The following SMAD3 variants were observed in gnomAD, a reference collection of about 807,000 sequenced individuals.
SMAD3 encodes the protein MAD homolog 3.
Under a neutral mutation model 51.8 loss-of-function variants are expected in SMAD3, and 12 were observed. That is an observed-to-expected ratio of 0.23 (90% confidence interval 0.15 to 0.38). The LOEUF is 0.38. Among genes scored for constraint, SMAD3 ranks in the 10% least tolerant of loss-of-function variants. SMAD3 has a pLI of 1.00. For missense variants in SMAD3, 294 were observed against 565.6 expected, an observed-to-expected ratio of 0.52 and a Z score of 4.87; for synonymous variants, 238 against 227.7, an observed-to-expected ratio of 1.05 and a Z score of -0.41.
Position 67,100,522 on chromosome 15 carries a change from A to G in SMAD3, c.206+34162A>G, listed in dbSNP as rs1960729153. ...GGCTAACATGGTAGATTTTTGCTGC[A>G]TGTATTAATATATTAATGTATTAAT... On this transcript the variant is annotated intron_variant, in intron 1 of 8. Coordinates refer to ENST00000327367, the MANE Select transcript of SMAD3 (RefSeq NM_005902.4). Among the ~76,000 whole-genome samples, 3 of 152,128 alleles carry G rather than the reference A, an allele frequency of 2.0e-5. No homozygotes were observed. In the South Asian group the frequency reaches 6.2e-4, roughly 31 times the overall value.
intron 1 of SMAD3, among the ~76,000 whole-genome samples, chr15:67,112,154 C>T (rs1469524995): frequency 2.0e-4 from 18 of 90,416 alleles, no homozygotes; most frequent in Admixed American, 6.2e-4. Context: ...TTTTTCTTTC[C>T]TTTTTTTTTT....
chr15:67,150,625 G>C (rs1962105945), intron 1 of SMAD3, among the ~76,000 whole-genome samples: 1 of 152,114 alleles, frequency 6.6e-6, no homozygotes, highest in Admixed American at 6.5e-5. Flanking sequence ...GGCAGAGAGA[G>C]GATACCCAGA....
Position 67,190,658 on chromosome 15 carries a change from G to A in SMAD3, c.*122G>A. 1 of 1,052,082 alleles carries A rather than the reference G, an allele frequency of 9.5e-7. No individual in the cohort carries two copies. The highest frequency in any genetic ancestry group is 1.4e-6 in the Non-Finnish European group (1 of 703,812). 65.2% of individuals were successfully genotyped at this position (1,052,082 alleles called of 1,614,324 possible). On this transcript the variant is annotated 3_prime_UTR_variant, in exon 9 of 9. Coordinates refer to ENST00000327367, the MANE Select transcript of SMAD3 (RefSeq NM_005902.4). The stretch of plus-strand genomic sequence containing the variant: ...AAGAAGAAATCTTTCTCCCTCAACT[G>A]AAGGGGTGCACCCACCTGTTTTCTG...
intron 1 of SMAD3, among the ~76,000 whole-genome samples, chr15:67,149,462 T>TTTGTA (rs1353652022): frequency 6.6e-6 from 1 of 152,198 alleles, no homozygotes; most frequent in Non-Finnish European, 1.5e-5. Flanking sequence ...GTTTTAGGGA[T>TTTGTA]GCAGCTTTCA....
At chr15:67,083,253 C>T (rs958757499) in intron 1 of SMAD3, among the ~76,000 whole-genome samples, 12 of 152,252 alleles carry the variant, frequency 7.9e-5, no homozygotes, top group African/African-American at 2.7e-4. Context: ...GAGGCCCTGA[C>T]GGCCATGCCA....
rs1300419834 is a variant in SMAD3 at position 67,164,523 on chromosome 15, C to A, written c.207-372C>A. 2.0e-5 allele frequency among the ~76,000 whole-genome samples: 3 copies of A among 152,318 alleles called. No individual in the cohort carries two copies. In the East Asian group the frequency reaches 5.8e-4, roughly 29 times the overall value. ...TCCCCAGCCCTGTCCCCTCTCCACA[C>A]CTCTGGGCTGAGTAGGAAGCCGATG... is the stretch of plus-strand genomic sequence containing the variant. On this transcript the variant is annotated intron_variant, in intron 1 of 8. Transcript: ENST00000327367.
intron 1 of SMAD3, among the ~76,000 whole-genome samples, chr15:67,119,612 C>G (rs1415120565): frequency 6.6e-6 from 1 of 152,110 alleles, no homozygotes; most frequent in Non-Finnish European, 1.5e-5. Flanking sequence ...TTGCCAAAGA[C>G]ATTCATAAAA....
chr15:67,187,238 C>T, intron 7 of SMAD3, 127 bp from the exon 8 acceptor site: 1 of 1,129,782 alleles, frequency 8.9e-7, no homozygotes, highest in Non-Finnish European at 1.3e-6. Context: ...ATGCATCACA[C>T]ACCATGTGTC....
chr15:67,185,832 A>G (rs1320413109), intron 7 of SMAD3, among the ~76,000 whole-genome samples: 2 of 152,238 alleles, frequency 1.3e-5, no homozygotes, highest in Non-Finnish European at 2.9e-5. Flanking sequence ...CCCACAGAAC[A>G]TGGCCTGTGA....
chr15:67,176,629 T>C (rs552083936), intron 5 of SMAD3, among the ~76,000 whole-genome samples: 20 of 152,366 alleles, frequency 1.3e-4, no homozygotes, highest in Non-Finnish European at 2.4e-4. Context: ...GGTTTTATTC[T>C]GTTTTCTTTT....
intron 3 of SMAD3, 97 bp downstream of exon 3, chr15:67,165,481 C>A (rs978397303): frequency 7.1e-7 from 1 of 1,401,196 alleles, no homozygotes; most frequent in Non-Finnish European, 9.9e-7. Context: ...CCTGGCCGTC[C>A]CCCGCTCACC....
chr15:67,125,523 G>C (rs549648869), intron 1 of SMAD3, among the ~76,000 whole-genome samples: 1 of 152,362 alleles, frequency 6.6e-6, no homozygotes, highest in East Asian at 1.9e-4. Context: ...GGATGAAGCC[G>C]GTGGGAACAG....
In SMAD3 at chr15:67,065,974, C is replaced by T; in HGVS notation, c.-181C>T. ...CCGCTCCGGGCGCAGGGCCGCGCGC[C>T]GAGCCCCGCAGGCTGCAGCGCCGCG... is the stretch of plus-strand genomic sequence containing the variant. On this transcript the variant is annotated 5_prime_UTR_variant, in exon 1 of 9. Transcript: ENST00000327367. The T allele has an allele frequency of 9.1e-6, 2 of 219,288 alleles. No individual in the cohort carries two copies. Among genetic ancestry groups the T allele is most frequent in the Non-Finnish European group, 1.8e-5 (2 of 112,520 alleles). The allele number at this position is 219,288 out of a possible 1,614,324, so 13.6% of individuals were successfully genotyped here. A position where few individuals can be genotyped will look rare whatever the true frequency, so the allele number is the denominator to read the frequency against.
At chr15:67,069,575 C>T (rs1425761527) in intron 1 of SMAD3, among the ~76,000 whole-genome samples, 3 of 152,136 alleles carry the variant, frequency 2.0e-5, no homozygotes, top group African/African-American at 7.2e-5. Flanking sequence ...GGGAGCTAGA[C>T]CAAGCTTAAA....
rs567570265 is a variant in SMAD3, at chr15:67,133,044, C to G, written c.207-31851C>G. ...GTTTTGCACTTCCTTGCTTGTCACTCCTCTTTAAACACTTGTCCAAACTGT... is the reference window on the plus strand; with the variant it reads ...GTTTTGCACTTCCTTGCTTGTCACTGCTCTTTAAACACTTGTCCAAACTGT... On this transcript the variant is annotated intron_variant, in intron 1 of 8. Coordinates refer to ENST00000327367, the MANE Select transcript of SMAD3 (RefSeq NM_005902.4). Among the ~76,000 whole-genome samples the G allele has an allele frequency of 1.2e-4, 19 of 152,306 alleles. No homozygotes were observed. In the South Asian group the frequency reaches 3.3e-3, roughly 27 times the overall value.
intron 5 of SMAD3, among the ~76,000 whole-genome samples, chr15:67,171,666 A>G (rs1052567171): frequency 3.9e-5 from 6 of 152,212 alleles, no homozygotes; most frequent in African/African-American, 1.2e-4. Context: ...GAAGAAACTC[A>G]TCATTTGGAA....
chr15:67,179,876 G>T (rs1278361974), intron 5 of SMAD3, among the ~76,000 whole-genome samples: 1 of 152,082 alleles, frequency 6.6e-6, no homozygotes. Context: ...CATGCTGAGG[G>T]TTAAAGCGAG....
At position 67,166,227 on chromosome 15, in the gene SMAD3, C is replaced by G. The variant is rs1962584609; in HGVS notation, c.533-552C>G. On this transcript the variant is annotated intron_variant, in intron 3 of 8. Transcript: ENST00000327367. ...ACTACTCCCTGTTCAAAGAGCAAAT[C>G]TTGGAGGGCTTCAGTCAGGGTCTGG... The G allele has an allele frequency of 3.0e-6, 3 of 988,880 alleles. No homozygotes were observed. The South Asian group carries it at 1.2e-4, about 40-fold the overall frequency. 61.3% of individuals were successfully genotyped at this position (988,880 alleles called of 1,614,324 possible). A position where few individuals can be genotyped will look rare whatever the true frequency, so the allele number is the denominator to read the frequency against.
intron 5 of SMAD3, chr15:67,174,163 A>AG (rs1962827392): frequency 1.3e-5 from 2 of 152,422 alleles, no homozygotes; most frequent in Admixed American, 1.3e-4. Flanking sequence ...AGGGACTCAC[A>AG]TGGCCACGCT....
Sources: gnomAD v4.1 joint callset for allele counts (sites outside exome capture counted in the v4.1 genomes callset) on GRCh38, gnomAD v4.1.1 for gene constraint, MANE v1.5 for transcripts, NCBI Gene and HGNC (gene_info 2026-07-23, HGNC 2026-07-21) for gene names.